TRIO: variants seen among roughly 807,000 people sequenced by gnomAD.
TRIO encodes triple functional domain protein.
Under a neutral mutation model 351.9 loss-of-function variants are expected in TRIO, and 58 were observed. The observed-to-expected ratio is 0.16, with a 90% confidence interval of 0.13 to 0.21. The LOEUF (loss-of-function observed/expected upper bound fraction) is 0.21. Among genes scored for constraint, TRIO ranks in the 10% least tolerant of loss-of-function variants. TRIO has a pLI of 1.00. For synonymous variants in TRIO, 1,758 were observed against 1,595.7 expected (o/e 1.10, Z -2.42); for missense variants, 3,201 against 4,027.8 (o/e 0.79, Z 5.56).
Position 14,461,106 on chromosome 5 carries a change from C to A in TRIO, c.5291C>A (p.Pro1764Gln). The A allele has an allele frequency of 7.7e-6, 12 of 1,563,140 alleles. No homozygotes were observed. Among genetic ancestry groups the A allele is most frequent in the Non-Finnish European group, 9.5e-6 (11 of 1,154,638 alleles). ...QPHMIGAQSS[P>Q]GPKRPGNTLR... ...CACATGATCGGGGCCCAGAGCTCGCCGGGCCCCAAGCGGCCGGGCAACACC... is the reference window on the plus strand; with the variant it reads ...CACATGATCGGGGCCCAGAGCTCGCAGGGCCCCAAGCGGCCGGGCAACACC... Residue 1764 changes from proline to glutamine, a missense_variant, in exon 35 of 57, where the codon CCG becomes CAG. By Grantham distance (76) the Pro-to-Gln change is moderately conservative (BLOSUM62 -1). Around this residue, in one of 19 missense-constraint regions of TRIO, gnomAD observed 193 missense variants for 218.8 expected, o/e 0.88. Transcript: ENST00000344204.
chr5:14,406,961 T>G (rs993523562), intron 33 of TRIO, among the ~76,000 whole-genome samples: 13 of 152,244 alleles, frequency 8.5e-5, no homozygotes, highest in Non-Finnish European at 1.6e-4. Context: ...GACTTTTTAA[T>G]CTTATTCCTA....
At chr5:14,230,700 TC>T (rs1343884006) in intron 1 of TRIO, among the ~76,000 whole-genome samples, 2 of 152,192 alleles carry the variant, frequency 1.3e-5, no homozygotes, top group East Asian at 3.8e-4. Flanking sequence ...TTTTATTTGG[TC>T]ATTTCTCCTT....
intron 34 of TRIO, among the ~76,000 whole-genome samples, chr5:14,449,495 C>G (rs1042141138): frequency 4.6e-5 from 7 of 152,206 alleles, no homozygotes; most frequent in Non-Finnish European, 8.8e-5. Context: ...CCACTTGATT[C>G]CTATGTTGGC....
chr5:14,151,711 C>T (rs1481679975), intron 1 of TRIO, among the ~76,000 whole-genome samples: 1 of 152,168 alleles, frequency 6.6e-6, no homozygotes, highest in African/African-American at 2.4e-5. Flanking sequence ...TTTTGCTTTG[C>T]TTCCTCTTGC....
chr5:14,329,147 A>T (rs1293256908), intron 9 of TRIO, among the ~76,000 whole-genome samples: 1 of 152,202 alleles, frequency 6.6e-6, no homozygotes, highest in Non-Finnish European at 1.5e-5. Context: ...GATCAAGGGC[A>T]AGGAACCACA....
chr5:14,289,710 TGTG>T (rs1736748046), intron 4 of TRIO, among the ~76,000 whole-genome samples: 1 of 150,898 alleles, frequency 6.6e-6, no homozygotes, highest in African/African-American at 2.4e-5. Flanking sequence ...ATTAGCCTGG[TGTG>T]GTGGTGGGCA....
chr5:14,270,573 G>A (rs961498751), intron 1 of TRIO, among the ~76,000 whole-genome samples: 3 of 152,298 alleles, frequency 2.0e-5, no homozygotes, highest in African/African-American at 7.2e-5. Flanking sequence ...AGTTGTTATT[G>A]CTAGAAATGA....
chr5:14,437,757 A>C (rs561708062), intron 34 of TRIO, among the ~76,000 whole-genome samples: 2 of 147,650 alleles, frequency 1.4e-5, no homozygotes, highest in African/African-American at 5.1e-5. Context: ...GCACAGTCGC[A>C]TTCCAAGGTC....
At chr5:14,305,685 T>G (rs369509583) in intron 8 of TRIO, among the ~76,000 whole-genome samples, 7 of 152,294 alleles carry the variant, frequency 4.6e-5, no homozygotes, top group African/African-American at 1.2e-4. Context: ...TATTTCCTGT[T>G]GTGCTTCACT....
At chr5:14,496,807 T>G in intron 49 of TRIO, 72 bp from the exon 50 acceptor site, 1 of 1,573,042 alleles carries the variant, frequency 6.4e-7, no homozygotes, top group Non-Finnish European at 8.6e-7. Flanking sequence ...TCAGCTTTTC[T>G]TTAACGCTTC....
chr5:14,396,945 T>C, intron 28 of TRIO, 98 bp from the exon 29 acceptor site: 1 of 994,720 alleles, frequency 1.0e-6, no homozygotes, highest in Non-Finnish European at 1.5e-6. Context: ...TCTGTTTTTA[T>C]CTTGAAAGCC....
chr5:14,406,679 C>A lies in TRIO; in HGVS notation c.4959+7C>A. 2 of 1,613,352 alleles carry A rather than the reference C, an allele frequency of 1.2e-6. No homozygotes were observed. Among genetic ancestry groups the A allele is most frequent in the South Asian group, 2.2e-5 (2 of 91,012 alleles). The stretch of plus-strand genomic sequence containing the variant: ...CACGCTGGACAGCGATAAGGTGAGT[C>A]ACTGCCGGCACTTTGTGTGCGGAGG... On this transcript the variant is annotated splice_region_variant and intron_variant, in intron 33 of 56. Transcript: ENST00000344204.
rs779192709 is a variant in TRIO at position 14,476,947 on chromosome 5, C to T, written c.6137C>T (p.Ser2046Phe). 46 of 1,613,892 alleles carry T rather than the reference C, an allele frequency of 2.9e-5. No homozygotes were observed. The highest frequency in any genetic ancestry group is 3.8e-5 in the Non-Finnish European group (45 of 1,179,906). The part of the protein sequence containing the change: ...KCLEDPEKLG[S>F]LFVKHERRLH... ...CTTGAAGATCCAGAAAAACTAGGAT[C>T]CCTTTTTGTTAAACACGTAAGCACA... Residue 2046 changes from serine to phenylalanine, a missense_variant, in exon 41 of 57, where the codon TCC becomes TTC. Physicochemically the swap from Ser to Phe is radical, Grantham distance 155. Coordinates refer to ENST00000344204, the MANE Select transcript of TRIO (RefSeq NM_007118.4).
chr5:14,308,505 A>G (rs907865839), intron 8 of TRIO, among the ~76,000 whole-genome samples: 1 of 150,104 alleles, frequency 6.7e-6, no homozygotes, highest in South Asian at 2.1e-4. Flanking sequence ...CCGTCCATCC[A>G]TCCACCCTCC....
At chr5:14,179,961 C>T (rs545138777) in intron 1 of TRIO, among the ~76,000 whole-genome samples, 63 of 151,784 alleles carry the variant, frequency 4.2e-4, no homozygotes, top group South Asian at 8.3e-4. Flanking sequence ...ATTAGCTGGG[C>T]GTGGTGGCAC....
intron 10 of TRIO, among the ~76,000 whole-genome samples, chr5:14,333,677 T>C (rs188160538): frequency 2.1e-3 from 326 of 152,316 alleles, no homozygotes; most frequent in African/African-American, 7.6e-3. Context: ...TGGTCATCTT[T>C]AGTGAGAAAC....
At chr5:14,246,310 T>G (rs1311447907) in intron 1 of TRIO, among the ~76,000 whole-genome samples, 1 of 152,204 alleles carries the variant, frequency 6.6e-6, no homozygotes, top group African/African-American at 2.4e-5. Flanking sequence ...AACTCTGGGG[T>G]TTAACATCAT....
Position 14,476,976 on chromosome 5 carries a change from G to A in TRIO, c.6153+13G>A, listed in dbSNP as rs1755126932. The A allele has an allele frequency of 6.2e-7, 1 of 1,607,948 alleles. No homozygotes were observed. Among genetic ancestry groups the A allele is most frequent in the Non-Finnish European group, 8.5e-7 (1 of 1,174,874 alleles). On this transcript the variant is annotated intron_variant, in intron 41 of 56. Coordinates refer to ENST00000344204, the MANE Select transcript of TRIO (RefSeq NM_007118.4). ...TTTTGTTAAACACGTAAGCACAATA[G>A]CATTGCTTATATCCTGTTCTGATGG...
intron 11 of TRIO, among the ~76,000 whole-genome samples, 160 bp from the exon 12 acceptor site, chr5:14,358,018 C>A (rs963323376): frequency 5.3e-5 from 8 of 152,196 alleles, no homozygotes; most frequent in Non-Finnish European, 1.2e-4. Flanking sequence ...GGATGCCCCT[C>A]CCTCCCGTCC....
Sources: allele counts gnomAD v4.1 joint callset (sites outside exome capture counted in the v4.1 genomes callset), GRCh38; gene constraint gnomAD v4.1.1; regional missense constraint gnomAD v4.1.1; transcripts MANE v1.5; gene names NCBI Gene and HGNC (gene_info 2026-07-23, HGNC 2026-07-21).